PDHA1: variants seen among roughly 807,000 people sequenced by gnomAD.
PDHA1 encodes pyruvate dehydrogenase E1 subunit alpha 1, also known as pyruvate dehydrogenase E1 component subunit alpha, somatic form, mitochondrial.
A neutral mutation model predicts 33.0 loss-of-function variants in PDHA1; 1 was observed. The ratio of observed to expected loss-of-function variants is 0.03; its 90% CI spans 0.01 to 0.14. PDHA1 has a LOEUF of 0.14. Among genes scored for constraint, PDHA1 ranks in the 10% least tolerant of loss-of-function variants. PDHA1 has a pLI of 1.00. For missense variants in PDHA1, 168 were observed against 325.1 expected, an observed-to-expected ratio of 0.52 and a Z score of 3.72; for synonymous variants, 123 against 119.2, an observed-to-expected ratio of 1.03 and a Z score of -0.21.
In PDHA1 at chrX:19,361,653, C is replaced by A; in HGVS notation, c.*2000C>A. ...AACCATAAAACTCTTCAAAAGTAACCAGTTGGATTAATAAATGATTCCAGA... is the reference window on the plus strand; with the variant it reads ...AACCATAAAACTCTTCAAAAGTAACAAGTTGGATTAATAAATGATTCCAGA... On this transcript the variant is annotated 3_prime_UTR_variant, in exon 11 of 11. Coordinates refer to ENST00000422285, the MANE Select transcript of PDHA1 (RefSeq NM_000284.4). 1.3e-6 allele frequency: 1 copy of A among 793,519 alleles called. No individual in the cohort carries two copies. Among genetic ancestry groups the A allele is most frequent in the South Asian group, 2.3e-5 (1 of 43,915 alleles). 65.4% of individuals were successfully genotyped at this position (793,519 alleles called of 1,213,427 possible).
Position 19,347,680 on chromosome X carries a change from A to G in PDHA1, c.58-1632A>G, listed in dbSNP as rs143638467. On this transcript the variant is annotated intron_variant, in intron 1 of 10. Transcript: ENST00000422285. Reference sequence around the variant, plus strand: ...GTTGTATTTGGAAATTTATTTCACAATACAATAAATTTCTGGCCCCACAAA... The same window carrying G: ...GTTGTATTTGGAAATTTATTTCACAGTACAATAAATTTCTGGCCCCACAAA... Among the ~76,000 whole-genome samples the G allele has an allele frequency of 9.2e-4, 104 of 113,020 alleles. 1 individual carries two copies. In the East Asian group the frequency reaches 0.028, roughly 30 times the overall value.
chrX:19,352,124 T>TC (rs1161739499), intron 4 of PDHA1, among the ~76,000 whole-genome samples: 26 of 110,669 alleles, frequency 2.3e-4, no homozygotes, highest in Non-Finnish European at 4.5e-4. Flanking sequence ...TGAGACAGAG[T>TC]CTCGCTTTGT....
rs7058518 is a variant in PDHA1 at position 19,355,849 on chromosome X, C to G, written c.831+92C>G. ...TGCCTGCTGAAGCTGTTAGTGGGTA[C>G]CTGCTAATTGAGGTGCATGAGATGG... On this transcript the variant is annotated intron_variant, in intron 8 of 10. Transcript: ENST00000422285. 60,941 of 659,887 alleles carry G rather than the reference C, an allele frequency of 0.092. 8,269 individuals are homozygous for G. The highest frequency in any genetic ancestry group is 0.66 in the African/African-American group (30,113 of 45,614). 54.4% of individuals were successfully genotyped at this position (659,887 alleles called of 1,213,427 possible).
chrX:19,346,627 G>C (rs1163572762), intron 1 of PDHA1: 3 of 951,895 alleles, frequency 3.2e-6, no homozygotes, highest in South Asian at 1.0e-4. Flanking sequence ...CAGGCAGGTA[G>C]GGAGATTTAT....
At chrX:19,356,606 G>A (rs1288511402) in intron 8 of PDHA1, among the ~76,000 whole-genome samples, 1 of 111,851 alleles carries the variant, frequency 8.9e-6, no homozygotes, top group Non-Finnish European at 1.9e-5. Flanking sequence ...TGAGTGATGG[G>A]TATTGACGCC....
rs374649412 is a variant in PDHA1, at chrX:19,358,955, G to A, written c.939G>A (p.Lys313=). 1.7e-6 allele frequency: 2 copies of A among 1,200,290 alleles called. No homozygotes were observed. The highest frequency in any genetic ancestry group is 2.3e-6 in the Non-Finnish European group (2 of 885,062). The change falls in exon 10 of 11, where the codon AAG becomes AAA. Residue 313 remains lysine (K), a synonymous_variant. Transcript: ENST00000422285. ...TREEIQEVRS[K]SDPIMLLKDR... ...AAGAAATTCAGGAAGTAAGAAGTAA[G>A]AGTGACCCTATTATGCTTCTCAAGG... is the stretch of plus-strand genomic sequence containing the variant.
At chrX:19,357,746 A>ATAGG in intron 9 of PDHA1, 27 bp downstream of exon 9, 2 of 1,132,775 alleles carry the variant, frequency 1.8e-6, no homozygotes, top group Non-Finnish European at 2.4e-6. Flanking sequence ...TGTGGTTTCC[A>ATAGG]TAGGGGTGGG....
At position 19,359,830 on chromosome X, in the gene PDHA1, A is replaced by G. The variant is rs1049932095; in HGVS notation, c.*177A>G. 7 of 496,611 alleles carry G rather than the reference A, an allele frequency of 1.4e-5. No homozygotes were observed. Among genetic ancestry groups the G allele is most frequent in the Non-Finnish European group, 2.5e-5 (7 of 279,464 alleles). The allele number at this position is 496,611 out of a possible 1,213,427, so 40.9% of individuals were successfully genotyped here. ...AGTTTGTACATTAGTGCATTAAAAG[A>G]TGAATTATTGAGTGCTTAAAGATTA... On this transcript the variant is annotated 3_prime_UTR_variant, in exon 11 of 11. Transcript: ENST00000422285.
At position 19,355,672 on chromosome X, in the gene PDHA1, C is replaced by CTGTT. The variant is rs1491496463; in HGVS notation, c.760-12_760-9dup. The CTGTT allele has an allele frequency of 1.2e-5, 14 of 1,195,690 alleles. No individual in the cohort carries two copies. Among genetic ancestry groups the CTGTT allele is most frequent in the Middle Eastern group, 2.3e-4 (1 of 4,316 alleles). On this transcript the variant is annotated splice_polypyrimidine_tract_variant and intron_variant, in intron 7 of 10. Transcript: ENST00000422285. ...GTTGGATTCATGCTTCGCCCCTCCC[C>CTGTT]TGTTTATTACCAGGTGGATGGAATG...
At chrX:19,351,433 G>A in intron 4 of PDHA1, 26 bp downstream of exon 4, 1 of 1,152,818 alleles carries the variant, frequency 8.7e-7, no homozygotes, top group Non-Finnish European at 1.2e-6. Context: ...ACAGAAAGGG[G>A]AAATGAGTGG....
intron 8 of PDHA1, 147 bp downstream of exon 8, chrX:19,355,904 G>A (rs1048993665): frequency 5.9e-6 from 3 of 509,492 alleles, no homozygotes; most frequent in Non-Finnish European, 1.0e-5. Flanking sequence ...GGGCTCCTTT[G>A]GGTAGCTTGG....
intron 10 of PDHA1, 89 bp downstream of exon 10, chrX:19,359,113 G>T: frequency 1.8e-6 from 1 of 567,990 alleles, no homozygotes; most frequent in South Asian, 2.4e-5. Context: ...GTTCCTCCAA[G>T]CCCAGAAAGT....
chrX:19,352,007 C>T (rs186527836), intron 4 of PDHA1, among the ~76,000 whole-genome samples: 168 of 109,550 alleles, frequency 1.5e-3, no homozygotes, highest in African/African-American at 5.5e-3. Flanking sequence ...ACATGTTGGC[C>T]AGGCTGGTCT....
chrX:19,361,684 A>C lies in PDHA1; in HGVS notation c.*2031A>C. The C allele has an allele frequency of 1.6e-6, 1 of 617,647 alleles. No individual in the cohort carries two copies. The highest frequency in any genetic ancestry group is 2.6e-5 in the South Asian group (1 of 37,863). The allele number at this position is 617,647 out of a possible 1,213,427, so 50.9% of individuals were successfully genotyped here. A position where few individuals can be genotyped will look rare whatever the true frequency, so the allele number is the denominator to read the frequency against. ...GATTAATAAATGATTCCAGAATGTAAATGTGATGTGAAAAAGAGATGAATT... is the reference window on the plus strand; with the variant it reads ...GATTAATAAATGATTCCAGAATGTACATGTGATGTGAAAAAGAGATGAATT... On this transcript the variant is annotated 3_prime_UTR_variant, in exon 11 of 11. Coordinates refer to ENST00000422285, the MANE Select transcript of PDHA1 (RefSeq NM_000284.4).
At chrX:19,345,121 G>GA (rs1283293673) in intron 1 of PDHA1, among the ~76,000 whole-genome samples, 1 of 109,493 alleles carries the variant, frequency 9.1e-6, no homozygotes. Flanking sequence ...CTAGCATTCT[G>GA]ACCCCCCTAG....
Position 19,360,753 on chromosome X carries a change from G to C in PDHA1, c.*1100G>C. On this transcript the variant is annotated 3_prime_UTR_variant, in exon 11 of 11. Transcript: ENST00000422285. ...CCACAGCTTAGCTGATTGGTATCAA[G>C]CCTTGTCTTTGGTTTCTGAGGCCTC... 1.7e-6 allele frequency: 2 copies of C among 1,205,314 alleles called. No homozygotes were observed. The highest frequency in any genetic ancestry group is 2.2e-6 in the Non-Finnish European group (2 of 890,800).
chrX:19,360,710 G>T lies in PDHA1; in HGVS notation c.*1057G>T. On this transcript the variant is annotated 3_prime_UTR_variant, in exon 11 of 11. Transcript: ENST00000422285. ...AACAGAAGCTTTAACAAAACATGTAGCGTGGTGGGACACTCTGCCACAGCT... is the reference window on the plus strand; with the variant it reads ...AACAGAAGCTTTAACAAAACATGTATCGTGGTGGGACACTCTGCCACAGCT... 1.9e-6 allele frequency: 2 copies of T among 1,034,623 alleles called. No homozygotes were observed. The highest frequency in any genetic ancestry group is 2.7e-6 in the Non-Finnish European group (2 of 738,489). The allele number at this position is 1,034,623 out of a possible 1,213,427, so 85.3% of individuals were successfully genotyped here. A position where few individuals can be genotyped will look rare whatever the true frequency, so the allele number is the denominator to read the frequency against.
chrX:19,360,919 G>A lies in PDHA1; in HGVS notation c.*1266G>A, dbSNP rs1353899650. ...GCAGTCCCTAATTTAAAAACCTAAT[G>A]AAAATAAAAACATTCTCCTCACATA... On this transcript the variant is annotated 3_prime_UTR_variant, in exon 11 of 11. Coordinates refer to ENST00000422285, the MANE Select transcript of PDHA1 (RefSeq NM_000284.4). 1 of 719,701 alleles carries A rather than the reference G, an allele frequency of 1.4e-6. No individual in the cohort carries two copies. Among genetic ancestry groups the A allele is most frequent in the Non-Finnish European group, 2.1e-6 (1 of 483,814 alleles). 59.3% of individuals were successfully genotyped at this position (719,701 alleles called of 1,213,427 possible).
intron 4 of PDHA1, among the ~76,000 whole-genome samples, chrX:19,352,054 C>G (rs2063166837): frequency 9.1e-6 from 1 of 109,617 alleles, no homozygotes; most frequent in Admixed American, 9.7e-5. Flanking sequence ...CTGCCTTGGC[C>G]TCCCAAAGTG....
Sources: allele counts gnomAD v4.1 joint callset (sites outside exome capture counted in the v4.1 genomes callset), GRCh38; gene constraint gnomAD v4.1.1; transcripts MANE v1.5; gene names NCBI Gene and HGNC (gene_info 2026-07-23, HGNC 2026-07-21).